Variants in CRYBG3 observed in about 807,000 individuals in gnomAD.
CRYBG3 encodes the protein very large A-kinase anchor protein.
CRYBG3 carries 127 observed loss-of-function variants against 244.2 expected under a neutral mutation model. That is an observed-to-expected ratio of 0.52 (90% confidence interval 0.45 to 0.60). The LOEUF (loss-of-function observed/expected upper bound fraction) is 0.60, where lower values mean the gene tolerates loss of function less well. Ranked by LOEUF, CRYBG3 falls within the 20% of genes least tolerant of loss-of-function variation. CRYBG3 has a pLI of 0.00. For synonymous variants in CRYBG3, 1,132 were observed against 1,195.8 expected, an observed-to-expected ratio of 0.95 and a Z score of 1.10; for missense variants, 3,325 against 3,442.5, an observed-to-expected ratio of 0.97 and a Z score of 0.85.
intron 12 of CRYBG3, among the ~76,000 whole-genome samples, chr3:97,898,647 C>G (rs2039666753): frequency 6.6e-6 from 1 of 152,108 alleles, no homozygotes; most frequent in Admixed American, 6.5e-5. Context: ...CTGTTGACAA[C>G]TTTCTATTTA....
chr3:97,854,179 A>C (rs1176355177), intron 2 of CRYBG3, among the ~76,000 whole-genome samples: 4 of 152,112 alleles, frequency 2.6e-5, no homozygotes, highest in African/African-American at 9.7e-5. Context: ...TTTGGTCAAC[A>C]TGCCTATCTT....
intron 15 of CRYBG3, among the ~76,000 whole-genome samples, chr3:97,904,574 T>G (rs1195317511): frequency 5.3e-5 from 8 of 152,174 alleles, no homozygotes; most frequent in African/African-American, 1.9e-4. Context: ...GTATAAATCT[T>G]CAGCTCAGCA....
intron 7 of CRYBG3, among the ~76,000 whole-genome samples, chr3:97,885,850 C>T (rs1024935651): frequency 7.9e-5 from 12 of 152,106 alleles, no homozygotes; most frequent in African/African-American, 2.9e-4. Context: ...AAGTGATGTT[C>T]TAACAAGTTC....
At chr3:97,933,500 AC>A in intron 17 of CRYBG3, 193 bp from the exon 18 acceptor site, 1 of 675,206 alleles carries the variant, frequency 1.5e-6, no homozygotes. Context: ...ATTTTAGTTT[AC>A]AAAAAAGTGA....
At chr3:97,835,608 A>G (rs1487974574) in intron 1 of CRYBG3, among the ~76,000 whole-genome samples, 2 of 152,140 alleles carry the variant, frequency 1.3e-5, no homozygotes, top group South Asian at 2.1e-4. Context: ...TTTGGAAAGT[A>G]TCACTGGGCA....
chr3:97,870,481 T>TTGC (rs1426991097), intron 3 of CRYBG3, among the ~76,000 whole-genome samples: 1 of 152,218 alleles, frequency 6.6e-6, no homozygotes, highest in Non-Finnish European at 1.5e-5. Context: ...TTCTTTTTTA[T>TTGC]TGCTGCTTAG....
intron 2 of CRYBG3, among the ~76,000 whole-genome samples, chr3:97,852,489 G>A (rs1380423967): frequency 1.3e-5 from 2 of 152,114 alleles, no homozygotes; most frequent in Non-Finnish European, 2.9e-5. Flanking sequence ...GGAAGTGATT[G>A]GGAGTAAAGG....
chr3:97,915,986 C>T (rs993670467), intron 17 of CRYBG3, among the ~76,000 whole-genome samples: 2 of 152,038 alleles, frequency 1.3e-5, no homozygotes, highest in Admixed American at 6.6e-5. Context: ...GGCCTCAACT[C>T]CCAGTTTGAT....
At position 97,877,295 on chromosome 3, in the gene CRYBG3, T is replaced by C. The variant is rs762948043; in HGVS notation, c.6101T>C (p.Met2034Thr). The change falls in exon 4 of 22, where the codon ATG (methionine) becomes ACG (threonine). Residue 2034 changes from methionine (M) to threonine (T), a missense_variant. Around this residue, in one of 4 missense-constraint regions of CRYBG3, gnomAD observed 450 missense variants for 424.1 expected, o/e 1.06. Transcript: ENST00000389622. ...TTTCATGATACGTCCGCTGACAGCA[T>C]GCCTGTTCTGGCATGTGAAAGGTCT... ...VLFHDTSADS[M>T]PVLACERSES... The C allele has an allele frequency of 1.2e-6, 2 of 1,614,152 alleles. No homozygotes were observed. The highest frequency in any genetic ancestry group is 2.2e-5 in the South Asian group (2 of 91,082).
rs906598209 is a variant in CRYBG3, at chr3:97,886,549, G to A, written c.7153-82G>A. On this transcript the variant is annotated intron_variant, in intron 7 of 21. Transcript: ENST00000389622. ...AATTCAACTCAATAATGAGAACAGT[G>A]TAACTGTATGTCCAGGACATTGAGA... 10 of 1,055,096 alleles carry A rather than the reference G, an allele frequency of 9.5e-6. No individual in the cohort carries two copies. The African/African-American group carries it at 1.5e-4, about 15-fold the overall frequency. The allele number at this position is 1,055,096 out of a possible 1,614,324, so 65.4% of individuals were successfully genotyped here.
In CRYBG3 at chr3:97,876,329, T is replaced by A; in HGVS notation, c.5135T>A (p.Leu1712Ter). The A allele has an allele frequency of 8.1e-7, 1 of 1,231,650 alleles. No individual in the cohort carries two copies. Among genetic ancestry groups the A allele is most frequent in the African/African-American group, 1.6e-5 (1 of 64,380 alleles). The allele number at this position is 1,231,650 out of a possible 1,614,324, so 76.3% of individuals were successfully genotyped here. ...SEKAEVIPVT[L>*]AMENTYQKDA... ...AAGGCTGAAGTGATACCCGTTACAT[T>A]AGCAATGGAAAATACTTACCAAAAG... The change falls in exon 4 of 22, where the codon TTA (leucine) becomes TAA (stop). Residue 1712 changes from leucine (L) to a stop codon, truncating the protein, a stop_gained. Transcript: ENST00000389622. LOFTEE classifies it high-confidence loss of function.
At chr3:97,861,952 A>G (rs1479820625) in intron 2 of CRYBG3, among the ~76,000 whole-genome samples, 2 of 152,168 alleles carry the variant, frequency 1.3e-5, no homozygotes, top group African/African-American at 4.8e-5. Flanking sequence ...TTTAATTACG[A>G]ATACGCATTT....
intron 17 of CRYBG3, among the ~76,000 whole-genome samples, chr3:97,921,323 CT>C (rs1333761938): frequency 2.0e-5 from 3 of 152,102 alleles, no homozygotes; most frequent in Admixed American, 2.0e-4. Context: ...GTTACTGAAA[CT>C]GCAAAGCCAT....
chr3:97,828,231 G>C (rs2038603868), intron 1 of CRYBG3, among the ~76,000 whole-genome samples: 1 of 152,110 alleles, frequency 6.6e-6, no homozygotes, highest in South Asian at 2.1e-4. Flanking sequence ...CACCACTTTG[G>C]AGAGAAATTT....
intron 17 of CRYBG3, among the ~76,000 whole-genome samples, chr3:97,922,396 C>G (rs1031683642): frequency 3.3e-5 from 5 of 152,174 alleles, no homozygotes; most frequent in Admixed American, 6.6e-5. Flanking sequence ...TCAGAGTGAG[C>G]AGGCAACCTA....
At chr3:97,908,670 C>T (rs1219102711) in intron 15 of CRYBG3, among the ~76,000 whole-genome samples, 2 of 152,162 alleles carry the variant, frequency 1.3e-5, no homozygotes, top group South Asian at 2.1e-4. Flanking sequence ...TTCCTGAATA[C>T]AGCACACTGA....
intron 1 of CRYBG3, among the ~76,000 whole-genome samples, chr3:97,838,980 C>T (rs940352968): frequency 3.3e-5 from 5 of 152,022 alleles, no homozygotes; most frequent in African/African-American, 1.2e-4. Flanking sequence ...GTTACATTGA[C>T]CTTCATATTT....
chr3:97,923,424 T>C (rs144635266), intron 17 of CRYBG3, among the ~76,000 whole-genome samples: 8 of 152,222 alleles, frequency 5.3e-5, no homozygotes, highest in East Asian at 3.9e-4. Context: ...TTAACTATTA[T>C]GCACATTTTG....
At chr3:97,852,296 G>C (rs935147916) in intron 2 of CRYBG3, among the ~76,000 whole-genome samples, 2 of 152,194 alleles carry the variant, frequency 1.3e-5, no homozygotes, top group Non-Finnish European at 2.9e-5. Flanking sequence ...AAACCTCAGA[G>C]TGATGCCATG....
Sources: allele counts gnomAD v4.1 joint callset (sites outside exome capture counted in the v4.1 genomes callset), GRCh38; gene constraint gnomAD v4.1.1; regional missense constraint gnomAD v4.1.1; transcripts MANE v1.5; gene names NCBI Gene and HGNC (gene_info 2026-07-23, HGNC 2026-07-21).